PRLR: variants seen among roughly 807,000 people sequenced by gnomAD.
The protein encoded by PRLR is hPRL receptor.
PRLR carries 13 observed loss-of-function variants against 40.2 expected under a neutral mutation model. That is an observed-to-expected ratio of 0.32 (90% CI 0.21 to 0.51). The LOEUF (loss-of-function observed/expected upper bound fraction) is 0.51. PRLR is among the 20% of genes least tolerant of loss of function. PRLR has a pLI of 0.97. For missense variants in PRLR, 656 were observed against 747.3 expected (o/e 0.88, Z 1.42); for synonymous variants, 269 against 278.7 (o/e 0.97, Z 0.35).
chr5:35,128,014 T>C (rs1019177002), intron 1 of PRLR, among the ~76,000 whole-genome samples: 2 of 152,100 alleles, frequency 1.3e-5, no homozygotes, highest in African/African-American at 4.8e-5. Context: ...GCAAAAGAGA[T>C]AGGCATTCAA....
chr5:35,095,710 A>G (rs1771494768), intron 2 of PRLR, among the ~76,000 whole-genome samples: 1 of 152,150 alleles, frequency 6.6e-6, no homozygotes, highest in Non-Finnish European at 1.5e-5. Flanking sequence ...TTATTTTTTT[A>G]TCATCACCAT....
chr5:35,070,367 A>C, intron 6 of PRLR, 102 bp from the exon 7 acceptor site: 1 of 1,268,038 alleles, frequency 7.9e-7, no homozygotes, highest in Non-Finnish European at 1.1e-6. Context: ...ACAATCATAT[A>C]CAGAGAATTC....
At chr5:35,088,628 T>G (rs1771005604) in intron 3 of PRLR, among the ~76,000 whole-genome samples, 1 of 152,186 alleles carries the variant, frequency 6.6e-6, no homozygotes, top group Non-Finnish European at 1.5e-5. Context: ...AGACAAATGT[T>G]TCCTTCATCT....
At chr5:35,143,991 T>C (rs891058197) in intron 1 of PRLR, among the ~76,000 whole-genome samples, 2 of 152,106 alleles carry the variant, frequency 1.3e-5, no homozygotes, top group Non-Finnish European at 2.9e-5. Flanking sequence ...TGTTGTTAAT[T>C]GAAATCATGT....
At chr5:35,158,321 G>A (rs1444241098) in intron 1 of PRLR, among the ~76,000 whole-genome samples, 5 of 152,100 alleles carry the variant, frequency 3.3e-5, no homozygotes, top group African/African-American at 9.7e-5. Context: ...CACTTACAAC[G>A]CAGTGAAAGG....
At position 35,049,643 on chromosome 5, in the gene PRLR, C is replaced by A. The variant is rs569219243; in HGVS notation, c.1010-235G>T. On this transcript the variant is annotated intron_variant, in intron 8 of 8. Coordinates refer to the PRLR transcript ENST00000231423. The stretch of plus-strand genomic sequence containing the variant: ...TTCAGAAATCTTTCTCTACATGTGT[C>A]TATCTGTGTATACACATGCTGTTTC... 2.0e-5 allele frequency among the ~76,000 whole-genome samples: 3 copies of A among 152,276 alleles called. No individual in the cohort carries two copies. In the South Asian group the frequency reaches 6.2e-4, roughly 32 times the overall value.
At chr5:35,072,773 A>C in intron 5 of PRLR, 29 bp from the exon 6 acceptor site, 1 of 1,603,026 alleles carries the variant, frequency 6.2e-7, no homozygotes. Context: ...TGCCAGTAGC[A>C]CTCATTGCTT....
At chr5:35,229,181 G>A (rs1286285613) in intron 1 of PRLR, among the ~76,000 whole-genome samples, 3 of 148,940 alleles carry the variant, frequency 2.0e-5, no homozygotes, top group Admixed American at 1.3e-4. Context: ...AAAAAAAATC[G>A]AAGCCCAGAG....
chr5:35,193,539 T>C (rs1775660033), intron 1 of PRLR, among the ~76,000 whole-genome samples: 1 of 152,186 alleles, frequency 6.6e-6, no homozygotes, highest in Non-Finnish European at 1.5e-5. Context: ...GCTCTCTTGC[T>C]TGGAGGGCAC....
intron 1 of PRLR, among the ~76,000 whole-genome samples, chr5:35,150,740 A>G (rs1331043648): frequency 6.6e-6 from 1 of 152,210 alleles, no homozygotes; most frequent in East Asian, 1.9e-4. Context: ...ATGGGACCAT[A>G]GGAGGTAAGA....
Position 35,102,476 on chromosome 5 carries a change from G to A in PRLR, c.-43-12813C>T, listed in dbSNP as rs1050937291. Among the ~76,000 whole-genome samples the A allele has an allele frequency of 4.9e-5, 7 of 141,926 alleles. No individual in the cohort carries two copies. In the East Asian group the frequency reaches 1.2e-3, roughly 25 times the overall value. The allele number at this position is 141,926 out of a possible 152,430, so 93.1% of individuals were successfully genotyped here. ...TTCCTTTCCTGTCCCATCCCGTCCC[G>A]TCCCGTCCCGTCTCCTCTCCACTCC... On this transcript the variant is annotated intron_variant, in intron 2 of 9. Coordinates refer to ENST00000618457, the MANE Select transcript of PRLR (RefSeq NM_000949.7).
chr5:35,203,238 A>T (rs1775926114), intron 1 of PRLR, among the ~76,000 whole-genome samples: 1 of 152,224 alleles, frequency 6.6e-6, no homozygotes, highest in Non-Finnish European at 1.5e-5. Flanking sequence ...TATAGGCAGT[A>T]GAGAAGTGGA....
Position 35,066,008 on chromosome 5 carries a change from A to C in PRLR, c.950T>G (p.Val317Gly). 6.2e-7 allele frequency: 1 copy of C among 1,614,156 alleles called. No homozygotes were observed. The highest frequency in any genetic ancestry group is 1.3e-5 in the African/African-American group (1 of 75,046). ...TAGATGCTGGTCCTCACTATCATCT[A>C]CTTCTAAATACTCCACCAGCAAGTC... ...YEDLLVEYLE[V>G]DDSEDQHLMS... is the part of the protein sequence containing the mutation. The change falls in exon 10 of 10, where the codon GTA becomes GGA. Residue 317 changes from valine to glycine, a missense_variant. Transcript: ENST00000618457.
chr5:35,107,849 A>C (rs1399268988), intron 2 of PRLR, among the ~76,000 whole-genome samples: 1 of 152,210 alleles, frequency 6.6e-6, no homozygotes, highest in Non-Finnish European at 1.5e-5. Context: ...ATAGAAAAAG[A>C]GGGAATCCTC....
chr5:35,211,683 G>A (rs919525776), intron 1 of PRLR, among the ~76,000 whole-genome samples: 3 of 151,938 alleles, frequency 2.0e-5, no homozygotes, highest in African/African-American at 7.3e-5. Context: ...GCTAAATAAG[G>A]GAAATTTTTT....
At chr5:35,093,981 G>A (rs1201376284) in intron 2 of PRLR, among the ~76,000 whole-genome samples, 1 of 152,164 alleles carries the variant, frequency 6.6e-6, no homozygotes, top group Non-Finnish European at 1.5e-5. Flanking sequence ...GTTTGTATAA[G>A]TATACTCTAT....
At chr5:35,101,659 C>T (rs556279501) in intron 2 of PRLR, among the ~76,000 whole-genome samples, 1 of 151,412 alleles carries the variant, frequency 6.6e-6, no homozygotes, top group South Asian at 2.1e-4. Flanking sequence ...GTCTAAATAT[C>T]TAAAGCACAC....
At chr5:35,085,043 A>G (rs1376167820) in intron 4 of PRLR, among the ~76,000 whole-genome samples, 1 of 152,234 alleles carries the variant, frequency 6.6e-6, no homozygotes, top group Non-Finnish European at 1.5e-5. Flanking sequence ...TGCACAATGC[A>G]GCAGCTATTT....
chr5:35,090,250 C>T (rs1205153889), intron 2 of PRLR, among the ~76,000 whole-genome samples: 1 of 152,124 alleles, frequency 6.6e-6, no homozygotes, highest in East Asian at 1.9e-4. Flanking sequence ...TGGTTTCTTT[C>T]TCCTGTTTGG....
Sources: gnomAD v4.1 joint callset for allele counts (sites outside exome capture counted in the v4.1 genomes callset) on GRCh38, gnomAD v4.1.1 for gene constraint, MANE v1.5 for transcripts, NCBI Gene and HGNC (gene_info 2026-07-23, HGNC 2026-07-21) for gene names.